ZNF335: variants seen among roughly 807,000 people sequenced by gnomAD.
ZNF335 encodes zinc finger protein 335, also known as NRC-interacting factor 1.
ZNF335 carries 84 observed loss-of-function variants against 145.6 expected under a neutral mutation model. The ratio of observed to expected loss-of-function variants is 0.58; its 90% confidence interval spans 0.48 to 0.69. The LOEUF is 0.69. Among genes scored for constraint, ZNF335 ranks in the 30% least tolerant of loss-of-function variants. The pLI is 0.00. For synonymous variants in ZNF335, 761 were observed against 717.0 expected, an observed-to-expected ratio of 1.06 and a Z score of -0.98; for missense variants, 1,865 against 1,809.7, an observed-to-expected ratio of 1.03 and a Z score of -0.55.
At chr20:45,951,962 G>A (rs545968888) in intron 20 of ZNF335, among the ~76,000 whole-genome samples, 185 bp downstream of exon 20, 2 of 152,246 alleles carry the variant, frequency 1.3e-5, no homozygotes, top group African/African-American at 2.4e-5. Context: ...CACGTTGTGT[G>A]TGGTTTGCCT....
chr20:45,955,039 G>A, intron 17 of ZNF335, among the ~76,000 whole-genome samples: 1 of 152,030 alleles, frequency 6.6e-6, no homozygotes, highest in Non-Finnish European at 1.5e-5. Flanking sequence ...GATTACAAGT[G>A]TGAGATTGGT....
chr20:45,955,563 A>G (rs2083714493), intron 17 of ZNF335, among the ~76,000 whole-genome samples: 1 of 152,036 alleles, frequency 6.6e-6, no homozygotes, highest in Non-Finnish European at 1.5e-5. Context: ...TCACACCTGT[A>G]ATCCTGGCAC....
At chr20:45,971,760 G>T in intron 1 of ZNF335, 1 of 985,456 alleles carries the variant, frequency 1.0e-6, no homozygotes, top group Non-Finnish European at 1.2e-6. Flanking sequence ...GGGCCCAGTG[G>T]TTCAGCCCTT....
chr20:45,964,027 A>G, intron 7 of ZNF335, 37 bp from the exon 8 acceptor site: 1 of 1,510,188 alleles, frequency 6.6e-7, no homozygotes. Context: ...CCAGCCACTG[A>G]CACACCAGGA....
Position 45,953,926 on chromosome 20 carries a change from T to A in ZNF335, c.2465A>T (p.Asp822Val). 6.2e-7 allele frequency: 1 copy of A among 1,602,466 alleles called. No individual in the cohort carries two copies. The highest frequency in any genetic ancestry group is 8.5e-7 in the Non-Finnish European group (1 of 1,174,058). Residue 822 changes from aspartate (D) to valine (V), a missense_variant, in exon 18 of 28, where the codon GAT (aspartate) becomes GTT (valine). Asp to Val is a radical substitution (Grantham distance 152). Coordinates refer to ENST00000322927, the MANE Select transcript of ZNF335 (RefSeq NM_022095.4). ...AGGGGATGCTAACCCTGCTTCCACA[T>A]CTTCCGACTTCACCACAGCCACCTG... ...ALQVAVVKSE[D>V]VEAGLASPGG...
rs749887254 is a variant in ZNF335, at chr20:45,969,798, G to A, written c.202-107C>T. ...CAGAGCTCTCAGGCCCAAGGACATG[G>A]TCAGTGGAGCCACTCATGCCCTCAG... is the stretch of plus-strand genomic sequence containing the variant. On this transcript the variant is annotated intron_variant, in intron 2 of 27. Transcript: ENST00000322927. 9.9e-5 allele frequency: 146 copies of A among 1,478,692 alleles called. No individual in the cohort carries two copies. The Middle Eastern group carries it at 2.9e-3, about 29-fold the overall frequency. 91.6% of individuals were successfully genotyped at this position (1,478,692 alleles called of 1,614,324 possible).
intron 2 of ZNF335, 62 bp downstream of exon 2, chr20:45,971,148 G>A: frequency 1.4e-6 from 2 of 1,453,648 alleles, no homozygotes; most frequent in Non-Finnish European, 1.8e-6. Context: ...TTTCCTCTTG[G>A]CTGTCAGGCA....
At chr20:45,949,616 C>T (rs576029166) in intron 24 of ZNF335, 48 bp from the exon 25 acceptor site, 2 of 1,557,942 alleles carry the variant, frequency 1.3e-6, no homozygotes, top group Admixed American at 1.8e-5. Context: ...TGAGGCCCCA[C>T]TCGCCAGGAG....
Position 45,959,239 on chromosome 20 carries a change from C to T in ZNF335, c.2215G>A (p.Ala739Thr). 6.9e-7 allele frequency: 1 copy of T among 1,447,798 alleles called. No individual in the cohort carries two copies. Among genetic ancestry groups the T allele is most frequent in the Non-Finnish European group, 9.2e-7 (1 of 1,086,902 alleles). The allele number at this position is 1,447,798 out of a possible 1,614,324, so 89.7% of individuals were successfully genotyped here. ...IEELKQQHSA[A>T]PGPPPSSPGP... ...GGGGAACTGGGAGGTGGTCCAGGGG[C>T]CGCACTGTGCTGCTGCTTCAGCTCC... The change falls in exon 15 of 28, where the codon GCC becomes ACC. Residue 739 changes from alanine (A) to threonine (T), a missense_variant. Physicochemically the swap from Ala to Thr is moderately conservative, Grantham distance 58. Transcript: ENST00000322927.
intron 3 of ZNF335, 72 bp downstream of exon 3, chr20:45,969,379 C>T: frequency 1.4e-6 from 2 of 1,431,666 alleles, no homozygotes; most frequent in Non-Finnish European, 1.8e-6. Context: ...TGAGTTCACA[C>T]AGCTAGGGTG....
rs61729180 is a variant in ZNF335, at chr20:45,953,775, T to G, written c.2616A>C (p.Ala872=). The change falls in exon 18 of 28, where the codon GCA becomes GCC. Residue 872 remains alanine (A), a synonymous_variant. Coordinates refer to ENST00000322927, the MANE Select transcript of ZNF335 (RefSeq NM_022095.4). ...AGCCAGTCCCACCAAATGGACCAGG[T>G]GCCAGGGTGATCTGCGGTAGGTCAG... ...GPPDLPQITL[A]PGPFGGTGYS... 8.1e-6 allele frequency: 13 copies of G among 1,614,026 alleles called. No homozygotes were observed. In the African/African-American group the frequency reaches 1.7e-4, roughly 22 times the overall value.
chr20:45,959,652 T>G (rs1379368337), intron 14 of ZNF335, among the ~76,000 whole-genome samples: 1 of 152,208 alleles, frequency 6.6e-6, no homozygotes, highest in African/African-American at 2.4e-5. Context: ...CCTACCTATT[T>G]GCAAAGTCAT....
intron 9 of ZNF335, 102 bp from the exon 10 acceptor site, chr20:45,962,284 A>G: frequency 1.1e-6 from 1 of 905,870 alleles, no homozygotes; most frequent in African/African-American, 1.6e-5. Context: ...CTGCGGGAGC[A>G]GCTCACAGAA....
intron 17 of ZNF335, among the ~76,000 whole-genome samples, chr20:45,954,974 G>C (rs551318034): frequency 2.4e-4 from 36 of 151,834 alleles, no homozygotes; most frequent in Admixed American, 3.3e-4. Flanking sequence ...GTCCAGGCTG[G>C]TCTCAAACTC....
In ZNF335 at chr20:45,963,472, C is replaced by T. The variant is rs1267267133; in HGVS notation, c.1533+1G>A. 2 of 1,610,610 alleles carry T rather than the reference C, an allele frequency of 1.2e-6. No homozygotes were observed. The highest frequency in any genetic ancestry group is 1.1e-5 in the South Asian group (1 of 90,956). ...GCCCCAAGCCTCTTTGGCTCCCGCA[C>T]CTTGAGCGAGGACCAGCGGCGGGAA... On this transcript the variant is annotated splice_donor_variant, in intron 9 of 27. Transcript: ENST00000322927. LOFTEE classifies it high-confidence loss of function.
At chr20:45,957,811 C>T (rs1186977856) in intron 16 of ZNF335, 24 bp downstream of exon 16, 1 of 1,613,124 alleles carries the variant, frequency 6.2e-7, no homozygotes, top group East Asian at 2.2e-5. Flanking sequence ...CCTCCATGAG[C>T]TCCTATCCTC....
Position 45,948,837 on chromosome 20 carries a change from G to C in ZNF335, c.*116C>G, listed in dbSNP as rs545498223. 6.6e-7 allele frequency: 1 copy of C among 1,517,898 alleles called. No individual in the cohort carries two copies. The highest frequency in any genetic ancestry group is 1.4e-5 in the African/African-American group (1 of 73,396). The allele number at this position is 1,517,898 out of a possible 1,614,324, so 94.0% of individuals were successfully genotyped here. On this transcript the variant is annotated 3_prime_UTR_variant, in exon 28 of 28. Transcript: ENST00000322927. ...AGGTCTGGCTCCCTGGGAATGAGAG[G>C]ATGCTGGCTATCCAGTATCTGGAGA...
At chr20:45,949,743 G>A in intron 24 of ZNF335, 57 bp downstream of exon 24, 2 of 1,579,330 alleles carry the variant, frequency 1.3e-6, no homozygotes, top group Non-Finnish European at 1.7e-6. Context: ...CCCAAGGTAG[G>A]TCTTTGGGAG....
At position 45,963,966 on chromosome 20, in the gene ZNF335, C is replaced by T. The variant is rs751502213; in HGVS notation, c.1127G>A (p.Ser376Asn). The T allele has an allele frequency of 2.0e-6, 3 of 1,528,110 alleles. No homozygotes were observed. The highest frequency in any genetic ancestry group is 2.6e-6 in the Non-Finnish European group (3 of 1,140,044). The allele number at this position is 1,528,110 out of a possible 1,614,324, so 94.7% of individuals were successfully genotyped here. A position where few individuals can be genotyped will look rare whatever the true frequency, so the allele number is the denominator to read the frequency against. The change falls in exon 8 of 28, where the codon AGT becomes AAT. Residue 376 changes from serine (S) to asparagine (N), a missense_variant. By Grantham distance (46) the Ser-to-Asn change is conservative. Transcript: ENST00000322927. ...TGGAGGGCTCTGTCCACTCTGGGAA[C>T]TCACTAGAGGCTCTCCTTCCACACC... is the stretch of plus-strand genomic sequence containing the variant. ...PDGVEGEPLV[S>N]SQSGQSPPEP...
Sources: gnomAD v4.1 joint callset for allele counts (sites outside exome capture counted in the v4.1 genomes callset) on GRCh38, gnomAD v4.1.1 for gene constraint, MANE v1.5 for transcripts, NCBI Gene and HGNC (gene_info 2026-07-23, HGNC 2026-07-21) for gene names.